Variants in POLR3A observed in about 807,000 individuals in gnomAD.
The protein encoded by POLR3A is DNA-directed RNA polymerase III subunit RPC1.
A neutral mutation model predicts 152.8 loss-of-function variants in POLR3A; 112 were observed. The ratio of observed to expected loss-of-function variants is 0.73; its 90% CI spans 0.63 to 0.86. The LOEUF (loss-of-function observed/expected upper bound fraction) is 0.86. POLR3A is among the 40% of genes least tolerant of loss of function. The pLI is 0.00. For missense variants in POLR3A, 1,385 were observed against 1,743.1 expected (o/e 0.79, Z 3.66); for synonymous variants, 615 against 652.1 (o/e 0.94, Z 0.87).
chr10:78,025,807 A>G (rs1461220963), intron 2 of POLR3A, 48 bp from the exon 3 acceptor site: 9 of 1,585,006 alleles, frequency 5.7e-6, no homozygotes, highest in Non-Finnish European at 7.8e-6. Flanking sequence ...GCTGGACGGG[A>G]AAGAGTGCCC....
chr10:77,990,217 A>C (rs997201873), intron 21 of POLR3A, among the ~76,000 whole-genome samples: 1 of 152,140 alleles, frequency 6.6e-6, no homozygotes, highest in Non-Finnish European at 1.5e-5. Flanking sequence ...AAAAAAAAAC[A>C]AAAAACAAAC....
At position 77,982,193 on chromosome 10, in the gene POLR3A, A is replaced by G; in HGVS notation, c.3720T>C (p.Gly1240=). 11 of 1,614,008 alleles carry G rather than the reference A, an allele frequency of 6.8e-6. No individual in the cohort carries two copies. Among genetic ancestry groups the G allele is most frequent in the Non-Finnish European group, 9.3e-6 (11 of 1,180,006 alleles). Residue 1240 remains glycine (G), a synonymous_variant, in exon 28 of 31, where the codon GGT becomes GGC. Coordinates refer to ENST00000372371, the MANE Select transcript of POLR3A (RefSeq NM_007055.4). The part of the protein sequence containing the change: ...DNLRAVMATH[G]VKGTRTTSNN... Reference sequence around the variant, plus strand: ...TGGAGGTGGTTCGGGTGCCCTTCACACCGTGTGTGGCCATGACTGCCCGCA... The same window carrying G: ...TGGAGGTGGTTCGGGTGCCCTTCACGCCGTGTGTGGCCATGACTGCCCGCA...
At chr10:77,987,645 A>G (rs1026562884) in intron 21 of POLR3A, among the ~76,000 whole-genome samples, 1 of 152,228 alleles carries the variant, frequency 6.6e-6, no homozygotes, top group Non-Finnish European at 1.5e-5. Flanking sequence ...GTATCCACAG[A>G]CAGCTTAAGA....
chr10:78,001,502 G>C (rs1847357313), intron 17 of POLR3A, among the ~76,000 whole-genome samples: 1 of 152,124 alleles, frequency 6.6e-6, no homozygotes, highest in South Asian at 2.1e-4. Context: ...GTAGGAAGCA[G>C]GAGAGCAATG....
At chr10:78,005,343 G>A (rs1847400841) in intron 15 of POLR3A, among the ~76,000 whole-genome samples, 1 of 152,232 alleles carries the variant, frequency 6.6e-6, no homozygotes, top group African/African-American at 2.4e-5. Context: ...GCCGGGCATG[G>A]TGGCACATGC....
rs142499933 is a variant in POLR3A, at chr10:78,015,928, C to A, written c.1431+1647G>T. Reference sequence around the variant, plus strand: ...ATTCTCACAATCATAATCCCATAATCACAAACTACTTCTTAGTTATTTCTA... The same window carrying A: ...ATTCTCACAATCATAATCCCATAATAACAAACTACTTCTTAGTTATTTCTA... On this transcript the variant is annotated intron_variant, in intron 10 of 30. Coordinates refer to ENST00000372371, the MANE Select transcript of POLR3A (RefSeq NM_007055.4). Among the ~76,000 whole-genome samples the A allele has an allele frequency of 1.6e-4, 25 of 152,318 alleles. No individual in the cohort carries two copies. The East Asian group carries it at 3.3e-3, about 20-fold the overall frequency.
At chr10:78,009,835 G>A in intron 13 of POLR3A, 29 bp downstream of exon 13, 1 of 1,612,872 alleles carries the variant, frequency 6.2e-7, no homozygotes, top group Non-Finnish European at 8.5e-7. Context: ...ACACACACCT[G>A]TGCACCAACA....
In POLR3A at chr10:77,977,118, AC is replaced by A; in HGVS notation, c.*359del. ...CTGGCTCATCGTCAGGTGTGAAGACACCATGGGGAGCCGATGGATGTATGCA... is the reference window on the plus strand; with the variant it reads ...CTGGCTCATCGTCAGGTGTGAAGACACATGGGGAGCCGATGGATGTATGCA... On this transcript the variant is annotated 3_prime_UTR_variant, in exon 31 of 31. Coordinates refer to ENST00000372371, the MANE Select transcript of POLR3A (RefSeq NM_007055.4). The A allele has an allele frequency of 3.0e-6, 1 of 330,638 alleles. No homozygotes were observed. The highest frequency in any genetic ancestry group is 5.8e-6 in the Non-Finnish European group (1 of 171,208). 20.5% of individuals were successfully genotyped at this position (330,638 alleles called of 1,614,324 possible). A position where few individuals can be genotyped will look rare whatever the true frequency, so the allele number is the denominator to read the frequency against.
Position 77,993,201 on chromosome 10 carries a change from A to G in POLR3A, c.2783T>C (p.Ile928Thr), listed in dbSNP as rs756079986. ...PLEFKRVLDN[I>T]KAVFPCPSEP... ...AGATATAATGCTAAATCTTACTTTG[A>G]TGTTGTCCAGAACCCTTTTAAACTC... The change falls in exon 20 of 31, where the codon ATC becomes ACC. Residue 928 changes from isoleucine (I) to threonine (T), a missense_variant. Ile to Thr is a moderately conservative substitution (Grantham distance 89, BLOSUM62 -1). This residue lies in a region of POLR3A where 178 missense variants were observed against 204.6 expected (regional missense o/e 0.87). Coordinates refer to ENST00000372371, the MANE Select transcript of POLR3A (RefSeq NM_007055.4). 1 of 1,612,482 alleles carries G rather than the reference A, an allele frequency of 6.2e-7. No homozygotes were observed. The highest frequency in any genetic ancestry group is 8.5e-7 in the Non-Finnish European group (1 of 1,178,496).
At position 77,977,388 on chromosome 10, in the gene POLR3A, C is replaced by A; in HGVS notation, c.*90G>T. On this transcript the variant is annotated 3_prime_UTR_variant, in exon 31 of 31. Transcript: ENST00000372371. The stretch of plus-strand genomic sequence containing the variant: ...GCTGGCATAGGTGGGGACCTCAGGA[C>A]CCCCGTCCCAGGGAGCACAAAACTC... 1 of 1,397,000 alleles carries A rather than the reference C, an allele frequency of 7.2e-7. No homozygotes were observed. The allele number at this position is 1,397,000 out of a possible 1,614,324, so 86.5% of individuals were successfully genotyped here.
intron 17 of POLR3A, among the ~76,000 whole-genome samples, 170 bp from the exon 18 acceptor site, chr10:78,001,264 C>T (rs1847354635): frequency 6.6e-6 from 1 of 152,074 alleles, no homozygotes; most frequent in Admixed American, 6.6e-5. Flanking sequence ...CTGTCAGGAA[C>T]CCAAGAAAGG....
chr10:77,992,771 C>T (rs1007367364), intron 20 of POLR3A, among the ~76,000 whole-genome samples: 4 of 151,972 alleles, frequency 2.6e-5, no homozygotes, highest in Non-Finnish European at 4.4e-5. Flanking sequence ...AACTTCTCGC[C>T]TCAAGTGATT....
Position 78,025,706 on chromosome 10 carries a change from G to C in POLR3A, c.234C>G (p.Asp78Glu). The C allele has an allele frequency of 1.2e-6, 2 of 1,613,930 alleles. No individual in the cohort carries two copies. Among genetic ancestry groups the C allele is most frequent in the Non-Finnish European group, 8.5e-7 (1 of 1,179,870 alleles). Reference sequence around the variant, plus strand: ...CGATATACCCATAGTGGCCTAGACAGTCAGCCAAGTTTTTCCCACAGGTTT... The same window carrying C: ...CGATATACCCATAGTGGCCTAGACACTCAGCCAAGTTTTTCCCACAGGTTT... ...PCETCGKNLA[D>E]CLGHYGYIDL... The change falls in exon 3 of 31, where the codon GAC becomes GAG. Residue 78 changes from aspartate to glutamate, a missense_variant. Coordinates refer to ENST00000372371, the MANE Select transcript of POLR3A (RefSeq NM_007055.4).
At chr10:77,984,409 C>T in intron 24 of POLR3A, 111 bp from the exon 25 acceptor site, 2 of 738,970 alleles carry the variant, frequency 2.7e-6, no homozygotes, top group Admixed American at 3.8e-5. Context: ...ACTAGCAACC[C>T]CAGTTTACTG....
intron 3 of POLR3A, among the ~76,000 whole-genome samples, 159 bp from the exon 4 acceptor site, chr10:78,025,301 T>A (rs953013403): frequency 1.3e-5 from 2 of 152,228 alleles, no homozygotes; most frequent in Non-Finnish European, 2.9e-5. Flanking sequence ...AGGAAGCCTG[T>A]GTTCACTAGA....
intron 13 of POLR3A, 48 bp downstream of exon 13, chr10:78,009,816 C>A: frequency 2.5e-6 from 4 of 1,610,142 alleles, no homozygotes; most frequent in South Asian, 1.1e-5. Context: ...TCTACCCCCA[C>A]AGACACATAC....
At chr10:78,019,112 G>T in intron 9 of POLR3A, 50 bp downstream of exon 9, 1 of 1,253,902 alleles carries the variant, frequency 8.0e-7, no homozygotes, top group Non-Finnish European at 1.2e-6. Context: ...ACCACAGTGA[G>T]CTTTGCCATG....
rs755984949 is a variant in POLR3A at position 78,021,614 on chromosome 10, G to C, written c.1117C>G (p.Pro373Ala). The change falls in exon 8 of 31, where the codon CCC (proline) becomes GCC (alanine). Residue 373 changes from proline to alanine, a missense_variant. Pro to Ala is a conservative substitution (Grantham distance 27). This residue lies in a region of POLR3A where 493 missense variants were observed against 647.5 expected (regional missense o/e 0.76). Transcript: ENST00000372371. Reference protein sequence around the residue: ...FSGRTVISPDPNLRIDEVAVP... With the variant: ...FSGRTVISPDANLRIDEVAVP... ...GCTACCTCATCAATCCGGAGGTTGG[G>C]GTCGGGCGAGATGACTGTTCTGCCA... The C allele has an allele frequency of 1.2e-6, 2 of 1,614,032 alleles. No individual in the cohort carries two copies. The highest frequency in any genetic ancestry group is 2.2e-5 in the South Asian group (2 of 91,076).
chr10:77,999,889 T>C (rs1020789568), intron 19 of POLR3A, 92 bp downstream of exon 19: 1 of 1,266,250 alleles, frequency 7.9e-7, no homozygotes, highest in East Asian at 2.3e-5. Flanking sequence ...CTAGATAAAT[T>C]ACAGCTCATG....
Sources: gnomAD v4.1 joint callset for allele counts (sites outside exome capture counted in the v4.1 genomes callset) on GRCh38, gnomAD v4.1.1 for gene constraint, gnomAD v4.1.1 regional missense constraint, MANE v1.5 for transcripts, NCBI Gene and HGNC (gene_info 2026-07-23, HGNC 2026-07-21) for gene names.